ATXN1: variants seen among roughly 807,000 people sequenced by gnomAD.
The protein encoded by ATXN1 is ataxin-1.
A neutral mutation model predicts 56.4 loss-of-function variants in ATXN1; 8 were observed. The ratio of observed to expected loss-of-function variants is 0.14; its 90% confidence interval spans 0.08 to 0.26. The LOEUF is 0.26. Among genes scored for constraint, ATXN1 ranks in the 10% least tolerant of loss-of-function variants. The probability of loss-of-function intolerance (pLI) is 1.00; values close to 1 mark genes in which losing one functional copy is unlikely to be tolerated. For synonymous variants in ATXN1, 514 were observed against 494.6 expected (o/e 1.04, Z -0.52); for missense variants, 987 against 1,106.5 (o/e 0.89, Z 1.53).
rs551636424 is a variant in ATXN1, at chr6:16,404,700, G to A, written c.-160-76230C>T. On this transcript the variant is annotated intron_variant, in intron 6 of 7. Transcript: ENST00000436367. ...TACGCACATGCACGCGCACTCGCGC[G>A]CGCGCACACACGCACACACACTCCA... 3.3e-3 allele frequency among the ~76,000 whole-genome samples: 439 copies of A among 132,202 alleles called. 3 individuals are homozygous for A. Among genetic ancestry groups the A allele is most frequent in the African/African-American group, 0.015 (405 of 26,774 alleles). 86.7% of individuals were successfully genotyped at this position (132,202 alleles called of 152,430 possible). A position where few individuals can be genotyped will look rare whatever the true frequency, so the allele number is the denominator to read the frequency against.
rs1349779816 is a variant in ATXN1, at chr6:16,585,860, T to G, written c.-441A>C. 2 of 152,166 alleles carry G rather than the reference T, an allele frequency of 1.3e-5. No homozygotes were observed. Among genetic ancestry groups the G allele is most frequent in the Non-Finnish European group, 2.9e-5 (2 of 68,034 alleles). The allele number at this position is 152,166 out of a possible 1,614,324, so 9.4% of individuals were successfully genotyped here. Reference sequence around the variant, plus strand: ...CAGATCTTTTCACGAAGATTTTGCTTGAGTAGAAAGGGTGGCAGTGGAGAA... The same window carrying G: ...CAGATCTTTTCACGAAGATTTTGCTGGAGTAGAAAGGGTGGCAGTGGAGAA... On this transcript the variant is annotated 5_prime_UTR_variant, in exon 4 of 8. Transcript: ENST00000436367.
At chr6:16,446,359 T>C (rs1759635519) in intron 6 of ATXN1, among the ~76,000 whole-genome samples, 1 of 152,252 alleles carries the variant, frequency 6.6e-6, no homozygotes, top group Non-Finnish European at 1.5e-5. Context: ...TTGATATTTC[T>C]ATAACACAAA....
intron 4 of ATXN1, among the ~76,000 whole-genome samples, chr6:16,544,243 C>CAACG (rs1440686742): frequency 2.0e-5 from 3 of 152,212 alleles, no homozygotes; most frequent in African/African-American, 7.2e-5. Flanking sequence ...AGGAATGTGA[C>CAACG]AACGGCCTTC....
chr6:16,749,216 T>C (rs1477736113), intron 2 of ATXN1, among the ~76,000 whole-genome samples: 1 of 152,212 alleles, frequency 6.6e-6, no homozygotes, highest in Admixed American at 6.5e-5. Flanking sequence ...GTAAATGAAT[T>C]GCCACAAATG....
chr6:16,443,223 A>C (rs1345567678), intron 6 of ATXN1, among the ~76,000 whole-genome samples: 1 of 151,066 alleles, frequency 6.6e-6, no homozygotes, highest in African/African-American at 2.4e-5. Flanking sequence ...AAAAAAAAAA[A>C]AAAAAAAAAA....
At chr6:16,383,149 G>A (rs932295) in intron 6 of ATXN1, among the ~76,000 whole-genome samples, 71,939 of 152,038 alleles carry the variant, frequency 0.47, 18,565 homozygotes, top group East Asian at 0.95. Flanking sequence ...TTTAATCATT[G>A]ACCTTTCTGA....
At chr6:16,683,402 C>A (rs1275203807) in intron 2 of ATXN1, among the ~76,000 whole-genome samples, 1 of 152,200 alleles carries the variant, frequency 6.6e-6, no homozygotes, top group African/African-American at 2.4e-5. Context: ...AGCTTCAGTG[C>A]CTTTAAGGTT....
chr6:16,337,144 T>G (rs1392548557), intron 6 of ATXN1, among the ~76,000 whole-genome samples: 2 of 152,176 alleles, frequency 1.3e-5, no homozygotes, highest in Non-Finnish European at 2.9e-5. Flanking sequence ...CCCTTATCCC[T>G]AAGTGGGGCT....
At chr6:16,558,305 AAAAAAAAAAAAAAG>A (rs1488681653) in intron 4 of ATXN1, among the ~76,000 whole-genome samples, 4 of 148,596 alleles carry the variant, frequency 2.7e-5, no homozygotes, top group African/African-American at 9.9e-5. Flanking sequence ...TGTGTCAAAA[AAAAAAAAAAAAAAG>A]AAAAAAAAAA....
chr6:16,311,793 G>T (rs1760397046), intron 7 of ATXN1, among the ~76,000 whole-genome samples: 2 of 152,188 alleles, frequency 1.3e-5, no homozygotes, highest in African/African-American at 2.4e-5. Context: ...AGTGGAGATT[G>T]TTTTGCTGCA....
At chr6:16,481,356 G>A (rs531157931) in intron 6 of ATXN1, among the ~76,000 whole-genome samples, 2 of 152,220 alleles carry the variant, frequency 1.3e-5, no homozygotes, top group Non-Finnish European at 2.9e-5. Flanking sequence ...GACACAGAGG[G>A]AAATTCCCAG....
At chr6:16,400,233 A>G (rs1410063943) in intron 6 of ATXN1, among the ~76,000 whole-genome samples, 1 of 152,188 alleles carries the variant, frequency 6.6e-6, no homozygotes, top group East Asian at 1.9e-4. Flanking sequence ...AGTAAAAAGT[A>G]GCTCTCTTCT....
At chr6:16,754,336 A>T (rs1290620990) in intron 1 of ATXN1, among the ~76,000 whole-genome samples, 1 of 152,208 alleles carries the variant, frequency 6.6e-6, no homozygotes, top group Non-Finnish European at 1.5e-5. Context: ...CTGATTTTAA[A>T]CTTAGTTTGG....
At chr6:16,617,588 C>A (rs1763237422) in intron 3 of ATXN1, among the ~76,000 whole-genome samples, 1 of 151,770 alleles carries the variant, frequency 6.6e-6, no homozygotes, top group Non-Finnish European at 1.5e-5. Context: ...CACAGTGAAA[C>A]CCCGTCTCTA....
At chr6:16,604,819 T>C (rs1762974898) in intron 3 of ATXN1, among the ~76,000 whole-genome samples, 1 of 151,608 alleles carries the variant, frequency 6.6e-6, no homozygotes, top group Admixed American at 6.6e-5. Flanking sequence ...ACTCCTGCCC[T>C]AAGCAATCCT....
At chr6:16,321,740 G>A (rs1760657529) in intron 7 of ATXN1, among the ~76,000 whole-genome samples, 2 of 152,174 alleles carry the variant, frequency 1.3e-5, no homozygotes, top group South Asian at 4.1e-4. Flanking sequence ...AGTTTTATAT[G>A]CCATGGCTTT....
intron 3 of ATXN1, among the ~76,000 whole-genome samples, chr6:16,640,804 G>C (rs1009296190): frequency 3.3e-5 from 5 of 152,104 alleles, no homozygotes; most frequent in Non-Finnish European, 7.4e-5. Context: ...AAGAAAACTA[G>C]AAATGATTAA....
chr6:16,511,817 T>C (rs985939052), intron 5 of ATXN1, among the ~76,000 whole-genome samples: 2 of 152,226 alleles, frequency 1.3e-5, no homozygotes, highest in Admixed American at 6.5e-5. Flanking sequence ...TGGGGAAGAC[T>C]GAAGACAACA....
At chr6:16,610,279 A>C (rs1208518389) in intron 3 of ATXN1, among the ~76,000 whole-genome samples, 1 of 151,902 alleles carries the variant, frequency 6.6e-6, no homozygotes, top group Non-Finnish European at 1.5e-5. Flanking sequence ...CCAACCAACC[A>C]ACCAAAAACT....
Sources: gnomAD v4.1 joint callset for allele counts (sites outside exome capture counted in the v4.1 genomes callset) on GRCh38, gnomAD v4.1.1 for gene constraint, MANE v1.5 for transcripts, NCBI Gene and HGNC (gene_info 2026-07-23, HGNC 2026-07-21) for gene names.